YBEY: variants seen among roughly 807,000 people sequenced by gnomAD.
YBEY encodes the protein endoribonuclease YbeY.
YBEY carries 15 observed loss-of-function variants against 13.5 expected under a neutral mutation model. The observed-to-expected ratio is 1.11, with a 90% CI of 0.75 to 1.72. YBEY has a LOEUF of 1.72. Among genes scored for constraint, YBEY ranks in the 40% most tolerant of loss-of-function variants. The pLI, the probability that YBEY is intolerant of heterozygous loss-of-function variation, is 0.00. For synonymous variants in YBEY, 101 were observed against 83.1 expected (o/e 1.21, Z -1.17); for missense variants, 244 against 208.4 (o/e 1.17, Z -1.05).
At chr21:46,309,981 G>A in the YBEY span, among the ~76,000 whole-genome samples, 15 of 151,982 alleles carry the variant, frequency 9.9e-5, no homozygotes, top group African/African-American at 3.6e-4. Flanking sequence ...TAGGCGACAG[G>A]CAAGACTCTG....
At chr21:46,311,744 CA>C in the YBEY span, 1 of 443,852 alleles carries the variant, frequency 2.3e-6, no homozygotes, top group Non-Finnish European at 4.1e-6. Flanking sequence ...ACCAACCATC[CA>C]CCCACTCATC....
At chr21:46,304,507 A>G in the YBEY span, among the ~76,000 whole-genome samples, 2 of 152,080 alleles carry the variant, frequency 1.3e-5, no homozygotes, top group African/African-American at 4.8e-5. Context: ...AAAACCTCAA[A>G]AAACAAAAAC....
chr21:46,290,540 A>C (rs1191355461), intron 2 of YBEY, among the ~76,000 whole-genome samples: 1 of 152,006 alleles, frequency 6.6e-6, no homozygotes, highest in Non-Finnish European at 1.5e-5. Context: ...AATTTAGGGC[A>C]CTTGTGTACG....
downstream of YBEY, chr21:46,302,563 C>A: frequency 1.2e-6 from 2 of 1,611,822 alleles, no homozygotes; most frequent in Non-Finnish European, 1.7e-6. Flanking sequence ...GCAGCAGCAG[C>A]AGCTCCACCA....
At chr21:46,310,830 A>C in the YBEY span, among the ~76,000 whole-genome samples, 1 of 151,312 alleles carries the variant, frequency 6.6e-6, no homozygotes, top group Admixed American at 6.6e-5. Context: ...TAAATAAATA[A>C]ATAAATAAAT....
downstream of YBEY, chr21:46,302,066 A>G (rs755714827): frequency 2.0e-6 from 3 of 1,500,044 alleles, 1 homozygote; most frequent in South Asian, 3.8e-5. Context: ...AGGTGGCCAC[A>G]CAGCATGGTG....
intron 3 of YBEY, among the ~76,000 whole-genome samples, chr21:46,292,834 C>G (rs879656501): frequency 5.1e-4 from 64 of 126,088 alleles, no homozygotes; most frequent in African/African-American, 1.5e-3. Context: ...GTGCCCGGGA[C>G]TCAGTGGAGT....
Position 46,287,531 on chromosome 21 carries a change from T to C in YBEY, c.210+408T>C, listed in dbSNP as rs546496763. On this transcript the variant is annotated intron_variant, in intron 2 of 4. Transcript: ENST00000397701. ...TTCATGTATTAATTATATTATAGGCTAGGCTCCATGGTGCCTATAAGTATA... is the reference window on the plus strand; with the variant it reads ...TTCATGTATTAATTATATTATAGGCCAGGCTCCATGGTGCCTATAAGTATA... 1.1e-4 allele frequency among the ~76,000 whole-genome samples: 17 copies of C among 152,330 alleles called. No individual in the cohort carries two copies. The South Asian group carries it at 3.5e-3, about 32-fold the overall frequency.
At position 46,297,555 on chromosome 21, in the gene YBEY, A is replaced by G; in HGVS notation, c.425A>G (p.Lys142Arg). 2 of 1,394,022 alleles carry G rather than the reference A, an allele frequency of 1.4e-6. No individual in the cohort carries two copies. The highest frequency in any genetic ancestry group is 1.9e-6 in the Non-Finnish European group (2 of 1,061,346). 86.4% of individuals were successfully genotyped at this position (1,394,022 alleles called of 1,614,324 possible). Residue 142 changes from lysine to arginine, a missense_variant, in exon 5 of 5, where the codon AAG (lysine) becomes AGG (arginine). Coordinates refer to ENST00000397701, the MANE Select transcript of YBEY (RefSeq NM_001314025.2). ...TCCTTCCAGATGTTCCAGAAGGAGA[A>G]GGCGGTGCTGGACGAGCTGGGCCGA... ...AEWQQMFQKEKAVLDELGRRT... is the reference protein window; with the variant it reads ...AEWQQMFQKERAVLDELGRRT...
At chr21:46,295,487 TTCCTCCTCC>T (rs143683373) in intron 3 of YBEY, among the ~76,000 whole-genome samples, 3 of 151,656 alleles carry the variant, frequency 2.0e-5, no homozygotes, top group African/African-American at 4.8e-5. Flanking sequence ...CTCCCTCCTC[TTCCTCCTCC>T]TCCTCCTCTT....
rs2081999895 is a variant in YBEY, at chr21:46,297,717, G to A, written c.*83G>A. 2 of 1,254,706 alleles carry A rather than the reference G, an allele frequency of 1.6e-6. No homozygotes were observed. The highest frequency in any genetic ancestry group is 7.2e-5 in the South Asian group (2 of 27,834). 77.7% of individuals were successfully genotyped at this position (1,254,706 alleles called of 1,614,324 possible). ...GGTCGCACACGAATAAATAACGAAT[G>A]AACGTACGAGGGGAACCTCCTCTTA... On this transcript the variant is annotated 3_prime_UTR_variant, in exon 5 of 5. Transcript: ENST00000397701.
downstream of YBEY, among the ~76,000 whole-genome samples, chr21:46,298,135 CGA>C (rs2082011051): frequency 4.6e-5 from 7 of 152,368 alleles, no homozygotes; most frequent in South Asian, 1.4e-3. Context: ...AGGGCCACGG[CGA>C]GGCCGCCGAG....
At chr21:46,300,734 G>A (rs2145869440), downstream of YBEY, 2 of 1,289,062 alleles carry the variant, frequency 1.6e-6, no homozygotes, top group East Asian at 5.6e-5. Context: ...AACTTTCAAA[G>A]ATGGAAGCAC....
chr21:46,311,398 T>C, the YBEY span: 1 of 1,039,834 alleles, frequency 9.6e-7, no homozygotes, highest in Non-Finnish European at 1.4e-6. Context: ...CCAGGAACAT[T>C]TTCCCTTTCA....
chr21:46,298,166 C>T (rs931255613), downstream of YBEY, among the ~76,000 whole-genome samples: 2 of 152,196 alleles, frequency 1.3e-5, no homozygotes, highest in African/African-American at 4.8e-5. Flanking sequence ...CAGAGACCTG[C>T]GTGAGTTCTA....
chr21:46,291,816 A>G (rs935621751), intron 3 of YBEY: 2 of 1,075,118 alleles, frequency 1.9e-6, no homozygotes, highest in African/African-American at 3.4e-5. Context: ...CACCTTCCAG[A>G]TCTGTTTCTC....
intron 3 of YBEY, among the ~76,000 whole-genome samples, chr21:46,293,425 ACTC>A (rs2081823324): frequency 2.5e-5 from 1 of 39,560 alleles, no homozygotes. Flanking sequence ...CGTGCCCGGG[ACTC>A]AGTGGAGTCA....
chr21:46,310,802 A>ACTCT, the YBEY span, among the ~76,000 whole-genome samples: 2 of 149,298 alleles, frequency 1.3e-5, no homozygotes, highest in African/African-American at 4.9e-5. Context: ...AAAGTAAGAC[A>ACTCT]CTCTCTCTCT....
chr21:46,296,356 G>T (rs1217678291), intron 4 of YBEY, 126 bp downstream of exon 4: 2 of 1,011,686 alleles, frequency 2.0e-6, no homozygotes, highest in Non-Finnish European at 2.9e-6. Flanking sequence ...ACCTGCCCTT[G>T]TAAAAATGAC....
Sources: gnomAD v4.1 joint callset for allele counts (sites outside exome capture counted in the v4.1 genomes callset) on GRCh38, gnomAD v4.1.1 for gene constraint, MANE v1.5 for transcripts, NCBI Gene and HGNC (gene_info 2026-07-23, HGNC 2026-07-21) for gene names.